The following MCTP1 variants were observed in gnomAD, a reference collection of about 807,000 sequenced individuals.
MCTP1 encodes the protein multiple C2 and transmembrane domain containing 1, also known as multiple C2 and transmembrane domain-containing protein 1.
A neutral mutation model predicts 120.6 loss-of-function variants in MCTP1; 69 were observed. The observed-to-expected ratio is 0.57, with a 90% CI of 0.47 to 0.70. MCTP1 has a LOEUF of 0.70. Ranked by LOEUF, MCTP1 falls within the 30% of genes least tolerant of loss-of-function variation. The probability of loss-of-function intolerance (pLI) is 0.00; values close to 1 mark genes in which losing one functional copy is unlikely to be tolerated. For synonymous variants in MCTP1, 529 were observed against 493.1 expected, an observed-to-expected ratio of 1.07 and a Z score of -0.96; for missense variants, 1,203 against 1,248.8, an observed-to-expected ratio of 0.96 and a Z score of 0.55.
At chr5:95,069,998 C>T (rs192332728) in intron 1 of MCTP1, among the ~76,000 whole-genome samples, 59 of 152,274 alleles carry the variant, frequency 3.9e-4, no homozygotes, top group Middle Eastern at 3.4e-3. Context: ...CCATCGTGCC[C>T]GGCCGACCCT....
intron 1 of MCTP1, among the ~76,000 whole-genome samples, chr5:95,169,296 G>T (rs569876954): frequency 6.6e-6 from 1 of 152,312 alleles, no homozygotes; most frequent in Non-Finnish European, 1.5e-5. Flanking sequence ...GATTCGGTTT[G>T]CCAGTATTTT....
At chr5:95,026,512 G>A (rs565962324) in intron 1 of MCTP1, among the ~76,000 whole-genome samples, 1 of 152,052 alleles carries the variant, frequency 6.6e-6, no homozygotes, top group African/African-American at 2.4e-5. Flanking sequence ...TTAATTTTTA[G>A]CTCCCACAAG....
At chr5:94,908,035 C>T (rs1807383527) in intron 10 of MCTP1, among the ~76,000 whole-genome samples, 1 of 152,036 alleles carries the variant, frequency 6.6e-6, no homozygotes, top group African/African-American at 2.4e-5. Context: ...AGCTACTTAG[C>T]ACCTTCTCGA....
At chr5:94,783,236 A>G (rs573797461) in intron 18 of MCTP1, among the ~76,000 whole-genome samples, 34 of 152,158 alleles carry the variant, frequency 2.2e-4, no homozygotes, top group Admixed American at 5.9e-4. Flanking sequence ...TAAGTAGACA[A>G]CATTATTTTA....
chr5:94,910,597 CA>C (rs1808290393), intron 9 of MCTP1, among the ~76,000 whole-genome samples: 1 of 152,042 alleles, frequency 6.6e-6, no homozygotes, highest in South Asian at 2.1e-4. Flanking sequence ...TGAAATTAAT[CA>C]GCGATAGATC....
chr5:95,067,363 T>C (rs915945696), intron 1 of MCTP1, among the ~76,000 whole-genome samples: 1 of 152,198 alleles, frequency 6.6e-6, no homozygotes, highest in Non-Finnish European at 1.5e-5. Flanking sequence ...CATTACACAA[T>C]GCATACATGT....
intron 1 of MCTP1, among the ~76,000 whole-genome samples, chr5:95,101,130 T>G (rs968964885): frequency 1.3e-5 from 2 of 152,164 alleles, no homozygotes; most frequent in Admixed American, 1.3e-4. Context: ...ATATTGCTGT[T>G]TGATGGAATA....
intron 19 of MCTP1, among the ~76,000 whole-genome samples, chr5:94,722,793 A>T (rs1182237970): frequency 6.6e-6 from 1 of 152,142 alleles, no homozygotes; most frequent in Non-Finnish European, 1.5e-5. Flanking sequence ...CATTGATTGG[A>T]GCTCTTCTTT....
chr5:94,765,973 G>A (rs1772590760), intron 19 of MCTP1, among the ~76,000 whole-genome samples: 3 of 152,232 alleles, frequency 2.0e-5, no homozygotes, highest in East Asian at 1.9e-4. Context: ...GGCCTGGTGC[G>A]GTGGCTCACG....
chr5:95,145,431 T>C (rs1242851193), intron 1 of MCTP1, among the ~76,000 whole-genome samples: 1 of 152,170 alleles, frequency 6.6e-6, no homozygotes, highest in Non-Finnish European at 1.5e-5. Context: ...CAATACTATG[T>C]TGAATAGGAG....
At chr5:95,045,818 T>G (rs888931541) in intron 1 of MCTP1, among the ~76,000 whole-genome samples, 3 of 152,176 alleles carry the variant, frequency 2.0e-5, no homozygotes, top group Non-Finnish European at 2.9e-5. Flanking sequence ...CCTTCTGTAT[T>G]TCAGAAATAG....
chr5:94,995,407 G>C (rs908282728), intron 2 of MCTP1, among the ~76,000 whole-genome samples: 1 of 152,000 alleles, frequency 6.6e-6, no homozygotes, highest in Non-Finnish European at 1.5e-5. Context: ...AAAAATTAAG[G>C]GTGACTATGC....
chr5:94,909,333 G>GA lies in MCTP1; in HGVS notation c.1569dup (p.His524SerfsTer4), dbSNP rs770600759. 1.9e-6 allele frequency: 3 copies of GA among 1,608,368 alleles called. No individual in the cohort carries two copies. Among genetic ancestry groups the GA allele is most frequent in the Non-Finnish European group, 2.5e-6 (3 of 1,177,740 alleles). On this transcript the variant is annotated frameshift_variant, in exon 10 of 23. Transcript: ENST00000515393. LOFTEE classifies it high-confidence loss of function. ...ACTCCTCCTCTTTCTTCATAAAGGT[G>GA]AAAATCAAATTGTTCCCTCCACTGA...
chr5:94,970,939 G>A lies in MCTP1; in HGVS notation c.839-17578C>T, dbSNP rs567764164. 7.3e-5 allele frequency among the ~76,000 whole-genome samples: 11 copies of A among 151,002 alleles called. No individual in the cohort carries two copies. In the East Asian group the frequency reaches 9.8e-4, roughly 13 times the overall value. On this transcript the variant is annotated intron_variant, in intron 2 of 22. Coordinates refer to ENST00000515393, the MANE Select transcript of MCTP1 (RefSeq NM_024717.7). ...CTTTTAAAAATTCATCAATTTCAAC[G>A]GGCTTTTCTTCGTTTTCAGCCCTTT...
At chr5:94,896,495 C>T (rs146667532) in intron 10 of MCTP1, among the ~76,000 whole-genome samples, 131 of 151,876 alleles carry the variant, frequency 8.6e-4, no homozygotes, top group African/African-American at 3.0e-3. Context: ...AGCACTAAAA[C>T]GCATTGATGT....
chr5:95,051,398 AC>A (rs2152000804), intron 1 of MCTP1, among the ~76,000 whole-genome samples: 1 of 152,102 alleles, frequency 6.6e-6, no homozygotes, highest in African/African-American at 2.4e-5. Context: ...AAATCCAGAT[AC>A]CCAGAGTGGG....
At chr5:94,993,690 T>C (rs1013534243) in intron 2 of MCTP1, among the ~76,000 whole-genome samples, 2 of 152,236 alleles carry the variant, frequency 1.3e-5, no homozygotes, top group Admixed American at 6.5e-5. Flanking sequence ...TCTCATTGCA[T>C]CCCTCCACAG....
At chr5:95,188,113 A>G (rs574015318) in intron 1 of MCTP1, among the ~76,000 whole-genome samples, 13 of 152,318 alleles carry the variant, frequency 8.5e-5, no homozygotes, top group African/African-American at 2.6e-4. Context: ...TGGAAAAGAT[A>G]TTTTACCAAG....
intron 19 of MCTP1, among the ~76,000 whole-genome samples, chr5:94,767,763 G>A (rs759060830): frequency 6.6e-6 from 1 of 151,756 alleles, no homozygotes; most frequent in African/African-American, 2.4e-5. Flanking sequence ...GAGTTGAAGA[G>A]GACACAAATG....
Sources: gnomAD v4.1 joint callset for allele counts (sites outside exome capture counted in the v4.1 genomes callset) on GRCh38, gnomAD v4.1.1 for gene constraint, MANE v1.5 for transcripts, NCBI Gene and HGNC (gene_info 2026-07-23, HGNC 2026-07-21) for gene names.